Variants in SLCO2B1 observed in about 807,000 individuals in gnomAD.
The protein encoded by SLCO2B1 is solute carrier organic anion transporter family member 2B1.
In SLCO2B1, 41 loss-of-function variants were observed where a neutral mutation model predicts 67.3. That is an observed-to-expected ratio of 0.61 (90% confidence interval 0.47 to 0.79). SLCO2B1 has a LOEUF of 0.79. SLCO2B1 is among the 30% of genes least tolerant of loss of function. The pLI is 0.00. For missense variants in SLCO2B1, 837 were observed against 920.1 expected (o/e 0.91, Z 1.17); for synonymous variants, 379 against 381.4 (o/e 0.99, Z 0.07).
chr11:75,152,819 C>A (rs1018423791), intron 1 of SLCO2B1, among the ~76,000 whole-genome samples: 1 of 152,144 alleles, frequency 6.6e-6, no homozygotes, highest in Non-Finnish European at 1.5e-5. Context: ...CCTTGCTTCC[C>A]GAGACCCATT....
At position 75,204,622 on chromosome 11, in the gene SLCO2B1, C is replaced by T. The variant is rs1410691702; in HGVS notation, c.*42C>T. On this transcript the variant is annotated 3_prime_UTR_variant, in exon 14 of 14. Coordinates refer to ENST00000289575, the MANE Select transcript of SLCO2B1 (RefSeq NM_007256.5). ...ACCTGGCCAAGAGTAGCAGCCACAG[C>T]AGTACCTCCTCTGAGTCCTTTGCCC... is the stretch of plus-strand genomic sequence containing the variant. 1 of 1,548,744 alleles carries T rather than the reference C, an allele frequency of 6.5e-7. No homozygotes were observed. The highest frequency in any genetic ancestry group is 8.7e-7 in the Non-Finnish European group (1 of 1,145,162).
chr11:75,169,290 TG>T lies in SLCO2B1; in HGVS notation c.570del (p.Ile191SerfsTer43). On this transcript the variant is annotated frameshift_variant, in exon 5 of 14. Transcript: ENST00000289575. LOFTEE classifies it high-confidence loss of function. ...SYTETQHLSV[V>X]GIMFVAQTLL... The stretch of plus-strand genomic sequence containing the variant: ...ACAGAAACCCAGCATCTGAGTGTGG[TG>T]GGGATCATGTTCGTGGCACAGACCC... The T allele has an allele frequency of 6.2e-7, 1 of 1,614,106 alleles. No homozygotes were observed. Among genetic ancestry groups the T allele is most frequent in the Non-Finnish European group, 8.5e-7 (1 of 1,180,008 alleles).
chr11:75,200,615 C>T (rs753666508), intron 11 of SLCO2B1: 19 of 469,726 alleles, frequency 4.0e-5, no homozygotes, highest in Non-Finnish European at 6.4e-5. Context: ...GAGCTGGCCC[C>T]CATCACATAG....
rs11236362 is a variant in SLCO2B1 at position 75,163,104 on chromosome 11, T to A, written c.147+319T>A. On this transcript the variant is annotated intron_variant, in intron 2 of 13. Coordinates refer to ENST00000289575, the MANE Select transcript of SLCO2B1 (RefSeq NM_007256.5). The stretch of plus-strand genomic sequence containing the variant: ...GGGGATCCCGAACCTATGTGGATAC[T>A]GGGAGTCCTAGCTCCACCAAGGGCA... Among the ~76,000 whole-genome samples the A allele has an allele frequency of 8.6e-4, 131 of 152,208 alleles. 1 individual carries two copies. Among genetic ancestry groups the A allele is most frequent in the African/African-American group, 3.1e-3 (129 of 41,496 alleles).
intron 9 of SLCO2B1, chr11:75,196,139 T>C: frequency 5.2e-6 from 1 of 192,950 alleles, no homozygotes; most frequent in South Asian, 9.8e-5. Flanking sequence ...CACTCATAGC[T>C]CTGATTTTCT....
intron 7 of SLCO2B1, among the ~76,000 whole-genome samples, chr11:75,183,103 T>C (rs1015779310): frequency 2.0e-5 from 3 of 152,236 alleles, no homozygotes; most frequent in African/African-American, 7.2e-5. Flanking sequence ...ATGAACCACA[T>C]ATGTAATTCT....
chr11:75,185,651 A>G (rs2140329889), intron 7 of SLCO2B1, among the ~76,000 whole-genome samples: 1 of 152,178 alleles, frequency 6.6e-6, no homozygotes, highest in South Asian at 2.1e-4. Flanking sequence ...CACACAAGAA[A>G]GAATTCGGAG....
rs1282514172 is a variant in SLCO2B1 at position 75,164,075 on chromosome 11, C to T, written c.260C>T (p.Ser87Leu). 8.1e-6 allele frequency: 13 copies of T among 1,608,432 alleles called. No individual in the cohort carries two copies. Among genetic ancestry groups the T allele is most frequent in the African/African-American group, 1.3e-5 (1 of 74,910 alleles). The change falls in exon 3 of 14, where the codon TCG becomes TTG. Residue 87 changes from serine (S) to leucine (L), a missense_variant. Ser to Leu is a moderately radical substitution (Grantham distance 145, BLOSUM62 -2). Transcript: ENST00000289575. ...CGCTTCGGCCTCTCCAGCCAGACGTCGGGGCTGCTGGCCTCCTTCAACGAG... is the reference window on the plus strand; with the variant it reads ...CGCTTCGGCCTCTCCAGCCAGACGTTGGGGCTGCTGGCCTCCTTCAACGAG... ...EKRFGLSSQT[S>L]GLLASFNEVG...
chr11:75,177,755 T>C (rs1284094997), intron 7 of SLCO2B1, among the ~76,000 whole-genome samples: 4 of 152,122 alleles, frequency 2.6e-5, no homozygotes, highest in African/African-American at 9.7e-5. Context: ...TCTTCATAAA[T>C]AAGAAATGAA....
At chr11:75,199,968 TC>T (rs1945156890) in intron 10 of SLCO2B1, 1 of 503,384 alleles carries the variant, frequency 2.0e-6, no homozygotes, top group South Asian at 2.9e-5. Flanking sequence ...CCTCTTCTTC[TC>T]TACTTTCTCT....
chr11:75,196,376 G>T (rs2306167), intron 9 of SLCO2B1, 138 bp from the exon 10 acceptor site: 25,972 of 825,616 alleles, frequency 0.031, 1,358 homozygotes, highest in African/African-American at 0.19. Flanking sequence ...CCATCATCGG[G>T]CAGCCCTGAT....
At chr11:75,171,866 C>T (rs1396947998) in intron 6 of SLCO2B1, among the ~76,000 whole-genome samples, 4 of 152,050 alleles carry the variant, frequency 2.6e-5, no homozygotes, top group African/African-American at 9.7e-5. Flanking sequence ...GTCTGAGAAA[C>T]ACAACAGTAA....
chr11:75,196,646 C>G lies in SLCO2B1; in HGVS notation c.1566C>G (p.Ser522Arg). ...YITPCHAGCS[S>R]WVVQDALDNS... ...CACCCTGCCACGCAGGCTGCTCAAG[C>G]TGGGTGGTCCAGGATGCTCTGGACA... is the stretch of plus-strand genomic sequence containing the variant. The change falls in exon 10 of 14, where the codon AGC becomes AGG. Residue 522 changes from serine to arginine, a missense_variant. Physicochemically the swap from Ser to Arg is moderately radical, Grantham distance 110. Coordinates refer to ENST00000289575, the MANE Select transcript of SLCO2B1 (RefSeq NM_007256.5). The G allele has an allele frequency of 6.2e-7, 1 of 1,613,892 alleles. No homozygotes were observed. Among genetic ancestry groups the G allele is most frequent in the Non-Finnish European group, 8.5e-7 (1 of 1,179,950 alleles).
intron 10 of SLCO2B1, chr11:75,199,674 T>G (rs1856470808): frequency 6.6e-6 from 1 of 152,530 alleles, no homozygotes; most frequent in African/African-American, 2.4e-5. Context: ...TCTGAGGCCC[T>G]GTGTGGCTGG....
intron 1 of SLCO2B1, among the ~76,000 whole-genome samples, chr11:75,161,892 T>G (rs1246088401): frequency 2.0e-5 from 3 of 152,052 alleles, no homozygotes; most frequent in African/African-American, 7.2e-5. Context: ...GAGATACTGA[T>G]GGTTACCATA....
At position 75,172,647 on chromosome 11, in the gene SLCO2B1, C is replaced by A. The variant is rs1043716722; in HGVS notation, c.972+78C>A. ...TGTTCTCCTTTGTAACATTACACTT[C>A]GGCTGGGCGTGGTGGCTCACATCTG... On this transcript the variant is annotated intron_variant, in intron 7 of 13. Transcript: ENST00000289575. The A allele has an allele frequency of 3.4e-5, 46 of 1,347,214 alleles. No homozygotes were observed. The Middle Eastern group carries it at 5.6e-4, about 16-fold the overall frequency. 83.5% of individuals were successfully genotyped at this position (1,347,214 alleles called of 1,614,324 possible).
intron 7 of SLCO2B1, 79 bp downstream of exon 7, chr11:75,172,648 G>C (rs1391560413): frequency 2.3e-6 from 3 of 1,329,054 alleles, no homozygotes; most frequent in African/African-American, 2.9e-5. Context: ...ATTACACTTC[G>C]GCTGGGCGTG....
Position 75,178,406 on chromosome 11 carries a change from G to C in SLCO2B1, c.972+5837G>C, listed in dbSNP as rs1950052590. Among the ~76,000 whole-genome samples, 3 of 152,322 alleles carry C rather than the reference G, an allele frequency of 2.0e-5. No individual in the cohort carries two copies. In the South Asian group the frequency reaches 6.2e-4, roughly 32 times the overall value. On this transcript the variant is annotated intron_variant, in intron 7 of 13. Coordinates refer to ENST00000289575, the MANE Select transcript of SLCO2B1 (RefSeq NM_007256.5). ...TTGGCATCTTTCTCCGAGCAGGCCAGCTCTTAAGGGGAAAACTAAGAGAAA... is the reference window on the plus strand; with the variant it reads ...TTGGCATCTTTCTCCGAGCAGGCCACCTCTTAAGGGGAAAACTAAGAGAAA...
chr11:75,193,519 G>T lies in SLCO2B1; in HGVS notation c.1377G>T (p.Pro459=). 2 of 1,593,250 alleles carry T rather than the reference G, an allele frequency of 1.3e-6. No homozygotes were observed. Among genetic ancestry groups the T allele is most frequent in the Non-Finnish European group, 1.7e-6 (2 of 1,168,196 alleles). The change falls in exon 9 of 14, where the codon CCG becomes CCT. Residue 459 remains proline (P), a synonymous_variant. Coordinates refer to ENST00000289575, the MANE Select transcript of SLCO2B1 (RefSeq NM_007256.5). This position sits in a 1 kb window ranked among gnomAD's most constrained non-coding sequence, Gnocchi z 4.2. ...TGCTGTGCCTCTTCTTCAGCCTGCC[G>T]CTCTTCTTTATCGGCTGCTCCAGCC... ...GMLLCLFFSL[P]LFFIGCSSHQ... is the part of the protein sequence containing the mutation.
Sources: allele counts gnomAD v4.1 joint callset (sites outside exome capture counted in the v4.1 genomes callset), GRCh38; gene constraint gnomAD v4.1.1; non-coding constraint Gnocchi (gnomAD v3.1); transcripts MANE v1.5; gene names NCBI Gene and HGNC (gene_info 2026-07-23, HGNC 2026-07-21).